Variants in SCG3 observed in about 807,000 individuals in gnomAD.
SCG3 encodes secretogranin III.
Under a neutral mutation model 56.2 loss-of-function variants are expected in SCG3, and 38 were observed. The ratio of observed to expected loss-of-function variants is 0.68; its 90% confidence interval spans 0.52 to 0.89. The LOEUF is 0.89. Among genes scored for constraint, SCG3 ranks in the 40% least tolerant of loss-of-function variants. SCG3 has a pLI of 0.00. For missense variants in SCG3, 524 were observed against 540.7 expected (o/e 0.97, Z 0.31); for synonymous variants, 176 against 184.2 (o/e 0.96, Z 0.36).
At chr15:51,704,855 C>G (rs2055365048) in intron 10 of SCG3, among the ~76,000 whole-genome samples, 1 of 140,066 alleles carries the variant, frequency 7.1e-6, no homozygotes, top group African/African-American at 2.6e-5. Flanking sequence ...AGTGGAATTG[C>G]TGGATCATAT....
In SCG3 at chr15:51,701,148, GA is replaced by G. The variant is rs1567220063; in HGVS notation, c.1113del (p.Glu372LysfsTer12). The G allele has an allele frequency of 6.2e-7, 1 of 1,613,940 alleles. No individual in the cohort carries two copies. Among genetic ancestry groups the G allele is most frequent in the African/African-American group, 1.3e-5 (1 of 75,026 alleles). ...TCATGAAGAAACAGACAGTACCAAG[GA>G]AGAAGCAGCTAAGATGGAAAAGGAA... Reference protein sequence around the residue: ...KSHEETDSTKEEAAKMEKEYG... With the variant: ...KSHEETDSTKXEAAKMEKEYG... On this transcript the variant is annotated frameshift_variant, in exon 10 of 12. Transcript: ENST00000220478. LOFTEE classifies it high-confidence loss of function.
intron 11 of SCG3, among the ~76,000 whole-genome samples, chr15:51,716,570 T>G (rs140783864): frequency 1.2e-3 from 184 of 152,322 alleles, no homozygotes; most frequent in African/African-American, 4.0e-3. Context: ...TGTTTCTTCA[T>G]CTCTGAAATG....
intron 7 of SCG3, 146 bp downstream of exon 7, chr15:51,692,482 A>G (rs2141564179): frequency 1.5e-6 from 1 of 654,048 alleles, no homozygotes; most frequent in East Asian, 2.9e-5. Flanking sequence ...GTTCACATCG[A>G]TTTTTTTTTC....
rs759528525 is a variant in SCG3 at position 51,692,183 on chromosome 15, G to A, written c.715G>A (p.Gly239Ser). ...GACTCCAATGGCAGCAATTCAAGAT[G>A]GTCTTGCTAAGGGAGAAAACGATGA... Reference protein sequence around the residue: ...KVTPMAAIQDGLAKGENDETV... With the variant: ...KVTPMAAIQDSLAKGENDETV... Residue 239 changes from glycine (G) to serine (S), a missense_variant, in exon 7 of 12, where the codon GGT becomes AGT. Gly to Ser is a moderately conservative substitution (Grantham distance 56, BLOSUM62 0). Coordinates refer to ENST00000220478, the MANE Select transcript of SCG3 (RefSeq NM_013243.4). 8.1e-6 allele frequency: 13 copies of A among 1,610,538 alleles called. No individual in the cohort carries two copies. The African/African-American group carries it at 9.4e-5, about 12-fold the overall frequency.
At chr15:51,688,612 A>T (rs1249594729) in intron 5 of SCG3, among the ~76,000 whole-genome samples, 1 of 152,126 alleles carries the variant, frequency 6.6e-6, no homozygotes, top group Admixed American at 6.5e-5. Flanking sequence ...CACACGCCCA[A>T]AATGCCAGCT....
intron 9 of SCG3, 39 bp from the exon 10 acceptor site, chr15:51,701,068 G>T (rs1050233272): frequency 5.0e-6 from 8 of 1,607,534 alleles, no homozygotes; most frequent in Non-Finnish European, 6.8e-6. Context: ...TAATAGATAG[G>T]AAACAGGGCT....
chr15:51,683,341 A>G lies in SCG3; in HGVS notation c.304A>G (p.Lys102Glu), dbSNP rs1210673560. 6.2e-7 allele frequency: 1 copy of G among 1,613,498 alleles called. No homozygotes were observed. Among genetic ancestry groups the G allele is most frequent in the Admixed American group, 1.7e-5 (1 of 60,020 alleles). Reference protein sequence around the residue: ...QSIRSSPLDNKLNVEDVDSTK... With the variant: ...QSIRSSPLDNELNVEDVDSTK... ...TATAAGAAGCTCCCCACTTGATAAT[A>G]AGTTGAATGTGGAAGATGTTGATTC... The change falls in exon 4 of 12, where the codon AAG (lysine) becomes GAG (glutamate). Residue 102 changes from lysine to glutamate, a missense_variant. Transcript: ENST00000220478.
chr15:51,709,699 A>ATTTTTTT (rs2055404198), intron 10 of SCG3, among the ~76,000 whole-genome samples: 1 of 18,430 alleles, frequency 5.4e-5, no homozygotes, highest in Non-Finnish European at 8.8e-5. Context: ...ATATATATAT[A>ATTTTTTT]TATTTTTTTT....
rs75572714 is a variant in SCG3, at chr15:51,702,319, C to T, written c.1207+1075C>T. ...TTGCCCAGGCTAGAGTACAGTGGCA[C>T]GATCTCAGCTCACTGCAACCTCCAC... On this transcript the variant is annotated intron_variant, in intron 10 of 11. Coordinates refer to ENST00000220478, the MANE Select transcript of SCG3 (RefSeq NM_013243.4). Among the ~76,000 whole-genome samples, 834 of 152,182 alleles carry T rather than the reference C, an allele frequency of 5.5e-3. 24 individuals carry two copies. The East Asian group carries it at 0.064, about 12-fold the overall frequency.
chr15:51,697,553 G>GTGCAGAAATGAATAAACTCATCAT (rs1249188259), intron 8 of SCG3, among the ~76,000 whole-genome samples: 1 of 152,208 alleles, frequency 6.6e-6, no homozygotes, highest in African/African-American at 2.4e-5. Context: ...CATATGAACA[G>GTGCAGAAATGAATAAACTCATCAT]TGCAGAAATG....
In SCG3 at chr15:51,706,380, C is replaced by T. The variant is rs144582345; in HGVS notation, c.1207+5136C>T. ...GAATAGTCCTTAACTCATATGCTGG[C>T]AAGTGCAACACAGGCCACATACATG... On this transcript the variant is annotated intron_variant, in intron 10 of 11. Transcript: ENST00000220478. Among the ~76,000 whole-genome samples the T allele has an allele frequency of 2.6e-4, 39 of 152,290 alleles. No individual in the cohort carries two copies. The East Asian group carries it at 7.3e-3, about 29-fold the overall frequency.
intron 10 of SCG3, among the ~76,000 whole-genome samples, chr15:51,702,961 T>C (rs2055348693): frequency 6.6e-6 from 1 of 152,170 alleles, no homozygotes; most frequent in Admixed American, 6.5e-5. Flanking sequence ...CATTAGTAGA[T>C]TCATCTGCAG....
intron 4 of SCG3, among the ~76,000 whole-genome samples, chr15:51,686,152 C>T (rs1409672459): frequency 6.6e-6 from 1 of 152,112 alleles, no homozygotes; most frequent in Non-Finnish European, 1.5e-5. Flanking sequence ...TGTTTGGCTC[C>T]CCTCTGGGAG....
intron 7 of SCG3, 136 bp from the exon 8 acceptor site, chr15:51,695,739 C>CAGTGA: frequency 1.7e-6 from 1 of 603,354 alleles, no homozygotes; most frequent in East Asian, 2.8e-5. Context: ...CCAGCCTGGG[C>CAGTGA]CACACAGTGA....
intron 10 of SCG3, among the ~76,000 whole-genome samples, chr15:51,702,453 C>A (rs1041128945): frequency 6.6e-6 from 1 of 152,128 alleles, no homozygotes; most frequent in African/African-American, 2.4e-5. Flanking sequence ...GATGGGGTTT[C>A]ATCAAGTTGG....
chr15:51,711,689 T>C (rs2055421818), intron 10 of SCG3, among the ~76,000 whole-genome samples: 1 of 152,238 alleles, frequency 6.6e-6, no homozygotes, highest in Non-Finnish European at 1.5e-5. Context: ...CTCACAATGT[T>C]GTGCAGGCTG....
rs144559614 is a variant in SCG3, at chr15:51,696,871, A to C, written c.985+880A>C. On this transcript the variant is annotated intron_variant, in intron 8 of 11. Transcript: ENST00000220478. ...TCACCTCCCACCAGGCCCCACCTCCAACACTGGGGACTGTATTTCAACATT... is the reference window on the plus strand; with the variant it reads ...TCACCTCCCACCAGGCCCCACCTCCCACACTGGGGACTGTATTTCAACATT... 9.9e-3 allele frequency among the ~76,000 whole-genome samples: 1,504 copies of C among 152,288 alleles called. 24 individuals are homozygous for C. The highest frequency in any genetic ancestry group is 0.035 in the African/African-American group (1,444 of 41,554).
chr15:51,705,809 A>G (rs2055371389), intron 10 of SCG3, among the ~76,000 whole-genome samples: 1 of 152,180 alleles, frequency 6.6e-6, no homozygotes, highest in African/African-American at 2.4e-5. Context: ...TGTAGGTGTG[A>G]GCCACCACGC....
chr15:51,709,114 G>T (rs2055394911), intron 10 of SCG3, among the ~76,000 whole-genome samples: 1 of 152,182 alleles, frequency 6.6e-6, no homozygotes, highest in South Asian at 2.1e-4. Flanking sequence ...GAGGCCTCAG[G>T]AAACTTATAA....
Sources: gnomAD v4.1 joint callset for allele counts (sites outside exome capture counted in the v4.1 genomes callset) on GRCh38, gnomAD v4.1.1 for gene constraint, MANE v1.5 for transcripts, NCBI Gene and HGNC (gene_info 2026-07-23, HGNC 2026-07-21) for gene names.